The following INTS1 variants were observed in gnomAD, a reference collection of about 807,000 sequenced individuals.
INTS1 encodes the protein integrator complex subunit 1.
In INTS1, 137 loss-of-function variants were observed where a neutral mutation model predicts 241.6. The observed-to-expected ratio is 0.57, with a 90% CI of 0.49 to 0.65. INTS1 has a LOEUF of 0.65. Ranked by LOEUF, INTS1 falls within the 30% of genes least tolerant of loss-of-function variation. The pLI, the probability that INTS1 is intolerant of heterozygous loss-of-function variation, is 0.00. For missense variants in INTS1, 3,073 were observed against 3,032.2 expected (o/e 1.01, Z -0.32); for synonymous variants, 1,692 against 1,337.8 (o/e 1.26, Z -5.78).
At position 1,473,218 on chromosome 7, in the gene INTS1, G is replaced by A. The variant is rs749339769; in HGVS notation, c.5958-34C>T. The A allele has an allele frequency of 4.0e-6, 6 of 1,494,254 alleles. No homozygotes were observed. The East Asian group carries it at 1.1e-4, about 28-fold the overall frequency. 92.6% of individuals were successfully genotyped at this position (1,494,254 alleles called of 1,614,324 possible). The stretch of plus-strand genomic sequence containing the variant: ...AGAAGATGCTTTCACCTGGGAGGAA[G>A]ACGCTGGCAGGAGGAAGGCTGGGTC... On this transcript the variant is annotated intron_variant, in intron 42 of 47. Transcript: ENST00000404767.
chr7:1,470,601 G>T lies in INTS1; in HGVS notation c.6549C>A (p.Ile2183=). The T allele has an allele frequency of 6.3e-7, 1 of 1,578,948 alleles. No homozygotes were observed. The highest frequency in any genetic ancestry group is 8.6e-7 in the Non-Finnish European group (1 of 1,163,298). ...CTCACATCACGGCCTCCATATGCAG[G>T]ATCCTCAGGGCCTCGGAGATCTGCG... ...PSAQISEALR[I]LHMEAVM is the part of the protein sequence containing the mutation. Residue 2183 remains isoleucine, a synonymous_variant, in exon 48 of 48, where the codon ATC becomes ATA. Transcript: ENST00000404767.
intron 8 of INTS1, 33 bp downstream of exon 8, chr7:1,498,942 T>TTCC: frequency 1.2e-6 from 1 of 800,096 alleles, no homozygotes; most frequent in South Asian, 1.8e-5. Flanking sequence ...CCCCACCCCC[T>TTCC]GCCCCGCCCA....
chr7:1,477,057 G>A, intron 35 of INTS1, 139 bp from the exon 36 acceptor site: 1 of 1,087,720 alleles, frequency 9.2e-7, no homozygotes, highest in Non-Finnish European at 1.3e-6. Context: ...CCCCGTCATG[G>A]TGCTGGAGGG....
Position 1,477,875 on chromosome 7 carries a change from G to C in INTS1, c.4692C>G (p.Phe1564Leu). Residue 1564 changes from phenylalanine to leucine, a missense_variant, in exon 34 of 48, where the codon TTC becomes TTG. By Grantham distance (22) the Phe-to-Leu change is conservative. Coordinates refer to ENST00000404767, the MANE Select transcript of INTS1 (RefSeq NM_001080453.3). ...GGGAGGCAGCATCCGCAGTGGCAGA[G>C]AAGAATGCAGTCAGCAGCTCCTCCA... The part of the protein sequence containing the change: ...PHLEELLTAF[F>L]SATADAASPF... 3 of 1,612,632 alleles carry C rather than the reference G, an allele frequency of 1.9e-6. 1 individual carries two copies. In the South Asian group the frequency reaches 3.3e-5, roughly 18 times the overall value.
At chr7:1,488,671 G>A (rs545082145) in intron 18 of INTS1, among the ~76,000 whole-genome samples, 27 of 152,202 alleles carry the variant, frequency 1.8e-4, no homozygotes, top group African/African-American at 6.0e-4. Flanking sequence ...CACACTCCCC[G>A]TCCCTATGAT....
At chr7:1,487,152 G>T in intron 20 of INTS1, 51 bp from the exon 21 acceptor site, 1 of 1,529,202 alleles carries the variant, frequency 6.5e-7, no homozygotes. Flanking sequence ...CCCAACACCT[G>T]CCGCCAGCCC....
intron 26 of INTS1, chr7:1,482,989 G>A (rs1053920742): frequency 9.7e-6 from 4 of 413,220 alleles, no homozygotes; most frequent in Non-Finnish European, 1.8e-5. Flanking sequence ...CCTGCCCTCG[G>A]GGCTTTGCTT....
chr7:1,476,458 G>A lies in INTS1; in HGVS notation c.5152-3C>T, dbSNP rs1781723885. ...AGCACCAGCTCCTCCCGCCGCTTCT[G>A]TAACGGGTGCCTGCATCAGCCCCGG... On this transcript the variant is annotated splice_region_variant and splice_polypyrimidine_tract_variant and intron_variant, in intron 37 of 47. Transcript: ENST00000404767. 1.3e-6 allele frequency: 2 copies of A among 1,545,796 alleles called. No individual in the cohort carries two copies. Among genetic ancestry groups the A allele is most frequent in the Non-Finnish European group, 1.7e-6 (2 of 1,151,914 alleles).
Position 1,499,905 on chromosome 7 carries a change from G to A in INTS1, c.663C>T (p.Asn221=), listed in dbSNP as rs1162063932. The change falls in exon 5 of 48, where the codon AAC becomes AAT. Residue 221 remains asparagine, a synonymous_variant. Transcript: ENST00000404767. ...TCACCTTGACAAAGATCTCGGGCCA[G>A]TTCTCGTCCTCCTCGTAGGCGGCCA... ...LLMAAYEEDE[N]WPEIFVKVYI... 1 of 1,613,388 alleles carries A rather than the reference G, an allele frequency of 6.2e-7. No individual in the cohort carries two copies. Among genetic ancestry groups the A allele is most frequent in the Admixed American group, 1.7e-5 (1 of 59,992 alleles).
At chr7:1,476,144 G>A (rs1206327547) in intron 38 of INTS1, 73 bp from the exon 39 acceptor site, 44 of 1,525,774 alleles carry the variant, frequency 2.9e-5, no homozygotes, top group Non-Finnish European at 3.6e-5. Flanking sequence ...GGGACCAGGC[G>A]TGATGGGAAC....
Position 1,476,462 on chromosome 7 carries a change from C to A in INTS1, c.5152-7G>T. ...CCAGCTCCTCCCGCCGCTTCTGTAA[C>A]GGGTGCCTGCATCAGCCCCGGAGCA... is the stretch of plus-strand genomic sequence containing the variant. On this transcript the variant is annotated splice_region_variant and splice_polypyrimidine_tract_variant and intron_variant, in intron 37 of 47. Transcript: ENST00000404767. 6.5e-7 allele frequency: 1 copy of A among 1,527,330 alleles called. No homozygotes were observed. The highest frequency in any genetic ancestry group is 1.5e-5 in the African/African-American group (1 of 67,040). The allele number at this position is 1,527,330 out of a possible 1,614,324, so 94.6% of individuals were successfully genotyped here.
chr7:1,493,529 T>C lies in INTS1; in HGVS notation c.2068+225A>G, dbSNP rs923679575. On this transcript the variant is annotated intron_variant, in intron 15 of 47. Coordinates refer to ENST00000404767, the MANE Select transcript of INTS1 (RefSeq NM_001080453.3). The surrounding 1 kb of genome is among the most constrained non-coding windows in gnomAD (Gnocchi z 5.3). ...ATGCCAATTCCAAAAAATGTGCAAA[T>C]TCCAAAGAACGGGGCAGTGACTGCA... 1.3e-5 allele frequency among the ~76,000 whole-genome samples: 2 copies of C among 151,260 alleles called. No homozygotes were observed. Among genetic ancestry groups the C allele is most frequent in the African/African-American group, 2.4e-5 (1 of 41,080 alleles).
At position 1,481,619 on chromosome 7, in the gene INTS1, T is replaced by A. The variant is rs991500710; in HGVS notation, c.3704-131A>T. The A allele has an allele frequency of 2.6e-6, 2 of 778,710 alleles. No homozygotes were observed. Among genetic ancestry groups the A allele is most frequent in the African/African-American group, 3.7e-5 (2 of 53,396 alleles). The allele number at this position is 778,710 out of a possible 1,614,324, so 48.2% of individuals were successfully genotyped here. A position where few individuals can be genotyped will look rare whatever the true frequency, so the allele number is the denominator to read the frequency against. On this transcript the variant is annotated intron_variant, in intron 27 of 47. Transcript: ENST00000404767. The surrounding 1 kb of genome is among the most constrained non-coding windows in gnomAD (Gnocchi z 6.8). ...GAGACCCTGGGCCACGTGGGCTCGG[T>A]GACCCCACCCAAGACCTGGGGCAGT...
intron 33 of INTS1, 72 bp from the exon 34 acceptor site, chr7:1,478,008 G>T: frequency 7.7e-7 from 1 of 1,291,282 alleles, no homozygotes; most frequent in Non-Finnish European, 1.1e-6. Context: ...GTGTGGGCTA[G>T]CCAGGGTGGG....
rs755103570 is a variant in INTS1, at chr7:1,479,548, C to A, written c.4211G>T (p.Arg1404Leu). The part of the protein sequence containing the change: ...GSPEVPGITV[R>L]VLQALATLLS... Reference sequence around the variant, plus strand: ...CAGGGTGGCGAGGGCCTGCAGGACACGCACCGTGATGCCCGGCACCTCGGG... The same window carrying A: ...CAGGGTGGCGAGGGCCTGCAGGACAAGCACCGTGATGCCCGGCACCTCGGG... Residue 1404 changes from arginine (R) to leucine (L), a missense_variant, in exon 31 of 48, where the codon CGT (arginine) becomes CTT (leucine). Transcript: ENST00000404767. 1 of 1,556,956 alleles carries A rather than the reference C, an allele frequency of 6.4e-7. No homozygotes were observed. The highest frequency in any genetic ancestry group is 8.7e-7 in the Non-Finnish European group (1 of 1,152,334).
At position 1,477,598 on chromosome 7, in the gene INTS1, GACC is replaced by G; in HGVS notation, c.4887_4889del (p.Val1630del). On this transcript the variant is annotated inframe_deletion, in exon 35 of 48. Coordinates refer to ENST00000404767, the MANE Select transcript of INTS1 (RefSeq NM_001080453.3). ...TGAGCTGCAGGTCGGGGCAGCTGCTGACCACCTCGGGGTCCAGCATTTCCAGCC... is the reference window on the plus strand; with the variant it reads ...TGAGCTGCAGGTCGGGGCAGCTGCTGACCTCGGGGTCCAGCATTTCCAGCC... 1.3e-6 allele frequency: 2 copies of G among 1,565,002 alleles called. No individual in the cohort carries two copies. The highest frequency in any genetic ancestry group is 1.7e-6 in the Non-Finnish European group (2 of 1,156,922).
intron 10 of INTS1, 156 bp downstream of exon 10, chr7:1,498,256 A>T: frequency 8.6e-7 from 1 of 1,164,930 alleles, no homozygotes; most frequent in Non-Finnish European, 1.2e-6. Context: ...GCTCAACCTC[A>T]TGCCCACGTG....
In INTS1 at chr7:1,502,858, T is replaced by G. The variant is rs750983036; in HGVS notation, c.349+43A>C. On this transcript the variant is annotated intron_variant, in intron 3 of 47. Transcript: ENST00000404767. ...TTCCCTGAACACCTGATGGACGGCA[T>G]GAGCTGAGGGGTGTTCTCGGGGGAT... The G allele has an allele frequency of 3.7e-6, 6 of 1,605,494 alleles. No homozygotes were observed. The African/African-American group carries it at 8.0e-5, about 22-fold the overall frequency.
At chr7:1,500,434 G>C (rs1454745263) in intron 3 of INTS1, 68 bp from the exon 4 acceptor site, 3 of 1,431,746 alleles carry the variant, frequency 2.1e-6, no homozygotes, top group Non-Finnish European at 2.8e-6. Context: ...TCGGGACACC[G>C]GGAAGACCAC....
Sources: allele counts gnomAD v4.1 joint callset (sites outside exome capture counted in the v4.1 genomes callset), GRCh38; gene constraint gnomAD v4.1.1; non-coding constraint Gnocchi (gnomAD v3.1); transcripts MANE v1.5; gene names NCBI Gene and HGNC (gene_info 2026-07-23, HGNC 2026-07-21).